ADAP2: variants seen among roughly 807,000 people sequenced by gnomAD.
ADAP2 encodes arf-GAP with dual PH domain-containing protein 2.
A neutral mutation model predicts 54.9 loss-of-function variants in ADAP2; 42 were observed. The observed-to-expected ratio is 0.77, with a 90% CI of 0.60 to 0.99. ADAP2 has a LOEUF of 0.99. ADAP2 is among the 50% of genes least tolerant of loss of function. The pLI is 0.00. For synonymous variants in ADAP2, 177 were observed against 180.1 expected (o/e 0.98, Z 0.14); for missense variants, 429 against 480.4 (o/e 0.89, Z 1.00).
At chr17:30,923,905 T>C (rs923638543) in intron 2 of ADAP2, among the ~76,000 whole-genome samples, 2 of 151,798 alleles carry the variant, frequency 1.3e-5, no homozygotes, top group Admixed American at 1.3e-4. Context: ...GGTTTTGCCA[T>C]GTTGGTCAGT....
rs1192426256 is a variant in ADAP2, at chr17:30,925,905, A to AT, written c.226-915dup. On this transcript the variant is annotated intron_variant, in intron 2 of 10. Coordinates refer to ENST00000330889, the MANE Select transcript of ADAP2 (RefSeq NM_018404.3). Reference sequence around the variant, plus strand: ...TTTCTGTGTCCTGGCTAATTTTTGTATTTTTTTAGTAGAGACAAGGTTTCA... The same window carrying AT: ...TTTCTGTGTCCTGGCTAATTTTTGTATTTTTTTTAGTAGAGACAAGGTTTCA... 5.9e-5 allele frequency among the ~76,000 whole-genome samples: 9 copies of AT among 151,714 alleles called. No individual in the cohort carries two copies. The South Asian group carries it at 6.2e-4, about 10-fold the overall frequency.
At chr17:30,932,103 G>T in intron 4 of ADAP2, 135 bp downstream of exon 4, 1 of 723,770 alleles carries the variant, frequency 1.4e-6, no homozygotes. Flanking sequence ...GCCAAGGTGT[G>T]GGTTCTTCTG....
intron 6 of ADAP2, among the ~76,000 whole-genome samples, 157 bp from the exon 7 acceptor site, chr17:30,949,130 C>A (rs1904390104): frequency 6.6e-6 from 1 of 152,218 alleles, no homozygotes; most frequent in Non-Finnish European, 1.5e-5. Flanking sequence ...TGACACAATC[C>A]TCCCTGGATG....
At position 30,934,196 on chromosome 17, in the gene ADAP2, G is replaced by A; in HGVS notation, c.409G>A (p.Gly137Arg). 1 of 1,613,984 alleles carries A rather than the reference G, an allele frequency of 6.2e-7. No individual in the cohort carries two copies. The highest frequency in any genetic ancestry group is 8.5e-7 in the Non-Finnish European group (1 of 1,179,906). ...ETISLPGNRE[G>R]FLWKRGRDNS... ...CCTTGCTGCTTAAGGTAACCGAGAA[G>A]GATTCCTGTGGAAGCGAGGAAGGGA... is the stretch of plus-strand genomic sequence containing the variant. The change falls in exon 5 of 11, where the codon GGA (glycine) becomes AGA (arginine). Residue 137 changes from glycine (G) to arginine (R), a missense_variant. Physicochemically the swap from Gly to Arg is moderately radical, Grantham distance 125. Coordinates refer to ENST00000330889, the MANE Select transcript of ADAP2 (RefSeq NM_018404.3).
intron 7 of ADAP2, among the ~76,000 whole-genome samples, chr17:30,951,757 G>A (rs887348752): frequency 2.7e-5 from 4 of 149,184 alleles, no homozygotes; most frequent in African/African-American, 4.9e-5. Flanking sequence ...CCAGGTTCAC[G>A]CCATTCTCCT....
intron 3 of ADAP2, among the ~76,000 whole-genome samples, 198 bp downstream of exon 3, chr17:30,927,116 T>C (rs1431913274): frequency 1.3e-5 from 2 of 152,124 alleles, no homozygotes; most frequent in African/African-American, 4.8e-5. Context: ...CTCTGTTGCT[T>C]GGGCGTGTCT....
At position 30,923,085 on chromosome 17, in the gene ADAP2, C is replaced by T. The variant is rs753409348; in HGVS notation, c.225+15C>T. 1.6e-5 allele frequency: 26 copies of T among 1,612,668 alleles called. No homozygotes were observed. The Admixed American group carries it at 2.8e-4, about 18-fold the overall frequency. ...GTATTGTGGAGGTAGAAAGGCATGC[C>T]CGTGGAGAGCCATGGAACTGCGGGA... is the stretch of plus-strand genomic sequence containing the variant. On this transcript the variant is annotated intron_variant, in intron 2 of 10. Coordinates refer to ENST00000330889, the MANE Select transcript of ADAP2 (RefSeq NM_018404.3).
Position 30,935,945 on chromosome 17 carries a change from C to T in ADAP2, c.510+1648C>T, listed in dbSNP as rs193213845. Among the ~76,000 whole-genome samples, 80 of 152,210 alleles carry T rather than the reference C, an allele frequency of 5.3e-4. 2 individuals carry two copies. Among genetic ancestry groups the T allele is most frequent in the African/African-American group, 1.9e-3 (79 of 41,522 alleles). ...GATACAATTCACATACCATATAATT[C>T]ACCCATTAAAAGTATGCAGTCAATT... On this transcript the variant is annotated intron_variant, in intron 5 of 10. Coordinates refer to ENST00000330889, the MANE Select transcript of ADAP2 (RefSeq NM_018404.3).
intron 9 of ADAP2, among the ~76,000 whole-genome samples, chr17:30,955,742 A>T (rs2142603102): frequency 6.6e-6 from 1 of 151,004 alleles, no homozygotes; most frequent in South Asian, 2.1e-4. Flanking sequence ...CTTAAAAATT[A>T]GTCAGGTGTG....
At chr17:30,933,863 T>C (rs1415907767) in intron 4 of ADAP2, among the ~76,000 whole-genome samples, 1 of 152,216 alleles carries the variant, frequency 6.6e-6, no homozygotes, top group African/African-American at 2.4e-5. Context: ...GTATTTAGTA[T>C]GTATTTAAGT....
In ADAP2 at chr17:30,934,396, C is replaced by G; in HGVS notation, c.510+99C>G. On this transcript the variant is annotated intron_variant, in intron 5 of 10. Coordinates refer to ENST00000330889, the MANE Select transcript of ADAP2 (RefSeq NM_018404.3). ...GTGGTGCCCTTTTCTTGTAGATAAT[C>G]TCAGCCCCTGAGAGTTAGGCACAAC... The G allele has an allele frequency of 5.0e-6, 4 of 794,842 alleles. No individual in the cohort carries two copies. The South Asian group carries it at 7.2e-5, about 14-fold the overall frequency. The allele number at this position is 794,842 out of a possible 1,614,324, so 49.2% of individuals were successfully genotyped here. A position where few individuals can be genotyped will look rare whatever the true frequency, so the allele number is the denominator to read the frequency against.
intron 2 of ADAP2, among the ~76,000 whole-genome samples, chr17:30,925,568 T>TTTG (rs1910988507): frequency 1.4e-5 from 2 of 147,014 alleles, no homozygotes; most frequent in African/African-American, 5.2e-5. Context: ...CTTCTTCTTC[T>TTTG]CTTTTCTTTT....
intron 6 of ADAP2, 151 bp downstream of exon 6, chr17:30,945,204 A>C: frequency 1.1e-6 from 1 of 929,420 alleles, no homozygotes; most frequent in Non-Finnish European, 1.6e-6. Context: ...ATTGCCTCCC[A>C]GTCTGAGATA....
At chr17:30,939,304 A>G (rs1460018278) in intron 5 of ADAP2, among the ~76,000 whole-genome samples, 1 of 152,164 alleles carries the variant, frequency 6.6e-6, no homozygotes, top group Non-Finnish European at 1.5e-5. Flanking sequence ...CAAAAATAGA[A>G]TGGGCTCCCT....
intron 5 of ADAP2, among the ~76,000 whole-genome samples, chr17:30,935,044 C>G (rs2142532218): frequency 6.6e-6 from 1 of 152,078 alleles, no homozygotes; most frequent in East Asian, 1.9e-4. Context: ...CAGAGTGAGA[C>G]CCTGTCTCAA....
At chr17:30,932,456 G>A (rs764963963) in intron 4 of ADAP2, among the ~76,000 whole-genome samples, 1 of 151,796 alleles carries the variant, frequency 6.6e-6, no homozygotes, top group Non-Finnish European at 1.5e-5. Context: ...GTTTCACCAT[G>A]TTGCCCAGGC....
At position 30,958,270 on chromosome 17, in the gene ADAP2, A is replaced by G. The variant is rs1905209990; in HGVS notation, c.*401A>G. 1.0e-5 allele frequency: 2 copies of G among 196,512 alleles called. No homozygotes were observed. The highest frequency in any genetic ancestry group is 4.6e-5 in the African/African-American group (2 of 43,082). The allele number at this position is 196,512 out of a possible 1,614,324, so 12.2% of individuals were successfully genotyped here. A position where few individuals can be genotyped will look rare whatever the true frequency, so the allele number is the denominator to read the frequency against. Reference sequence around the variant, plus strand: ...TAACCATGAGGAAATAATCAGACAAATCCACATTAGGGGCATTCTGCTAAA... The same window carrying G: ...TAACCATGAGGAAATAATCAGACAAGTCCACATTAGGGGCATTCTGCTAAA... On this transcript the variant is annotated 3_prime_UTR_variant, in exon 11 of 11. Transcript: ENST00000330889.
chr17:30,923,693 C>CTTTTTTTTTTTTTTTTTT (rs1013811428), intron 2 of ADAP2, among the ~76,000 whole-genome samples: 4 of 92,406 alleles, frequency 4.3e-5, no homozygotes, highest in Admixed American at 1.4e-4. Context: ...TTCTTTCTTC[C>CTTTTTTTTTTTTTTTTTT]TTTTTTTTTT....
At chr17:30,928,363 G>A (rs570928541) in intron 3 of ADAP2, among the ~76,000 whole-genome samples, 3 of 151,930 alleles carry the variant, frequency 2.0e-5, no homozygotes, top group African/African-American at 2.4e-5. Flanking sequence ...GGGCATGGTG[G>A]TACATGCCTG....
Sources: gnomAD v4.1 joint callset for allele counts (sites outside exome capture counted in the v4.1 genomes callset) on GRCh38, gnomAD v4.1.1 for gene constraint, MANE v1.5 for transcripts, NCBI Gene and HGNC (gene_info 2026-07-23, HGNC 2026-07-21) for gene names.